The following RAB28 variants were observed in gnomAD, a reference collection of about 807,000 sequenced individuals.
RAB28 encodes the protein ras-related protein Rab-28.
A neutral mutation model predicts 31.7 loss-of-function variants in RAB28; 24 were observed. The observed-to-expected ratio is 0.76, with a 90% CI of 0.55 to 1.06. The LOEUF (loss-of-function observed/expected upper bound fraction) is 1.06. RAB28 is among the 50% of genes least tolerant of loss of function. The probability of loss-of-function intolerance (pLI) is 0.00; values close to 1 mark genes in which losing one functional copy is unlikely to be tolerated. For missense variants in RAB28, 254 were observed against 258.5 expected (o/e 0.98, Z 0.12); for synonymous variants, 100 against 90.4 (o/e 1.11, Z -0.60).
At chr4:13,482,555 A>G (rs1716655154) in intron 1 of RAB28, among the ~76,000 whole-genome samples, 1 of 152,224 alleles carries the variant, frequency 6.6e-6, no homozygotes, top group Non-Finnish European at 1.5e-5. Context: ...TGAGAAAACT[A>G]TAAAAATCTA....
In RAB28 at chr4:13,484,287, A is replaced by T; in HGVS notation, c.-137T>A. On this transcript the variant is annotated 5_prime_UTR_variant, in exon 1 of 7. Transcript: ENST00000330852. ...CGGTGTCTCCGCGCCGGCAGGAGGTATTCGAGGAGAATCACTCGGCAAGCG... is the reference window on the plus strand; with the variant it reads ...CGGTGTCTCCGCGCCGGCAGGAGGTTTTCGAGGAGAATCACTCGGCAAGCG... 2 of 674,732 alleles carry T rather than the reference A, an allele frequency of 3.0e-6. No individual in the cohort carries two copies. The highest frequency in any genetic ancestry group is 2.7e-6 in the Non-Finnish European group (1 of 371,086). The allele number at this position is 674,732 out of a possible 1,614,324, so 41.8% of individuals were successfully genotyped here.
chr4:13,439,825 C>G (rs905187493), intron 4 of RAB28, among the ~76,000 whole-genome samples: 6 of 152,190 alleles, frequency 3.9e-5, no homozygotes, highest in African/African-American at 1.4e-4. Flanking sequence ...TTGAACCCAT[C>G]ACCCAAAGAG....
At chr4:13,409,996 C>T (rs897866341) in intron 4 of RAB28, among the ~76,000 whole-genome samples, 3 of 151,942 alleles carry the variant, frequency 2.0e-5, no homozygotes, top group African/African-American at 7.3e-5. Context: ...CTAGTGCTAT[C>T]TCGTGATGGA....
At chr4:13,415,603 T>C (rs1712722377) in intron 4 of RAB28, among the ~76,000 whole-genome samples, 1 of 152,116 alleles carries the variant, frequency 6.6e-6, no homozygotes, top group African/African-American at 2.4e-5. Flanking sequence ...TGCGCTCGAT[T>C]TCTTGCCGGG....
At chr4:13,397,988 G>C (rs375365110) in intron 4 of RAB28, among the ~76,000 whole-genome samples, 15 of 151,860 alleles carry the variant, frequency 9.9e-5, no homozygotes, top group African/African-American at 3.4e-4. Flanking sequence ...GCAGCAGCCG[G>C]TATCAAGCAG....
At chr4:13,371,595 T>C in intron 6 of RAB28, 1 of 985,332 alleles carries the variant, frequency 1.0e-6, no homozygotes, top group Non-Finnish European at 1.2e-6. Context: ...GCTTTGACTC[T>C]TTGACATAAA....
intron 3 of RAB28, among the ~76,000 whole-genome samples, chr4:13,462,967 G>A (rs1247819750): frequency 6.6e-6 from 1 of 152,162 alleles, no homozygotes; most frequent in African/African-American, 2.4e-5. Context: ...GGTTGCTGTT[G>A]GATTCCAGTC....
chr4:13,459,959 A>G lies in RAB28; in HGVS notation c.391+740T>C, dbSNP rs530463171. Reference sequence around the variant, plus strand: ...AGCCAAAACACACACTGTCAGAACTAAACTTACCTTCACAGGAATTGACCA... The same window carrying G: ...AGCCAAAACACACACTGTCAGAACTGAACTTACCTTCACAGGAATTGACCA... On this transcript the variant is annotated intron_variant, in intron 4 of 6. Coordinates refer to ENST00000330852, the MANE Select transcript of RAB28 (RefSeq NM_001017979.3). 3.2e-6 allele frequency: 4 copies of G among 1,234,662 alleles called. No homozygotes were observed. In the Admixed American group the frequency reaches 9.2e-5, roughly 28 times the overall value. 76.5% of individuals were successfully genotyped at this position (1,234,662 alleles called of 1,614,324 possible).
At chr4:13,394,464 T>G (rs922071742) in intron 4 of RAB28, among the ~76,000 whole-genome samples, 3 of 152,188 alleles carry the variant, frequency 2.0e-5, no homozygotes, top group African/African-American at 7.2e-5. Context: ...TAATGCTCAC[T>G]GTCCACTGCT....
chr4:13,451,377 G>C (rs1438421914), intron 4 of RAB28, among the ~76,000 whole-genome samples: 3 of 147,984 alleles, frequency 2.0e-5, no homozygotes, highest in African/African-American at 7.4e-5. Context: ...TTTTTAAATT[G>C]GATTAGGTTT....
intron 4 of RAB28, among the ~76,000 whole-genome samples, chr4:13,394,920 T>G (rs1729805732): frequency 1.3e-5 from 2 of 152,172 alleles, no homozygotes; most frequent in Admixed American, 1.3e-4. Context: ...CTTTGGGGCC[T>G]CATAACAACC....
intron 4 of RAB28, among the ~76,000 whole-genome samples, chr4:13,401,105 G>A (rs1711724451): frequency 6.6e-6 from 1 of 151,870 alleles, no homozygotes; most frequent in Non-Finnish European, 1.5e-5. Context: ...CAACACCTTT[G>A]GTTTTCTGGA....
chr4:13,446,517 G>C (rs1282907203), intron 4 of RAB28, among the ~76,000 whole-genome samples: 2 of 152,140 alleles, frequency 1.3e-5, no homozygotes, highest in Non-Finnish European at 1.5e-5. Context: ...GTAATCTCCT[G>C]ATCCATGGAT....
At chr4:13,412,036 A>G (rs1712468460) in intron 4 of RAB28, among the ~76,000 whole-genome samples, 1 of 151,598 alleles carries the variant, frequency 6.6e-6, no homozygotes, top group East Asian at 1.9e-4. Context: ...AAAAAAAAAG[A>G]TAAATGAAAA....
intron 2 of RAB28, among the ~76,000 whole-genome samples, chr4:13,475,647 G>C (rs758055942): frequency 6.6e-6 from 1 of 151,318 alleles, no homozygotes; most frequent in Non-Finnish European, 1.5e-5. Context: ...TTTCCATGAG[G>C]AACTTCCATT....
chr4:13,381,170 C>T (rs1729112784), intron 5 of RAB28, among the ~76,000 whole-genome samples: 1 of 151,924 alleles, frequency 6.6e-6, no homozygotes, highest in African/African-American at 2.4e-5. Context: ...CATCTCCTAG[C>T]CACAGGCAGC....
At chr4:13,464,990 C>G (rs1715772459) in intron 3 of RAB28, among the ~76,000 whole-genome samples, 1 of 151,730 alleles carries the variant, frequency 6.6e-6, no homozygotes, top group Non-Finnish European at 1.5e-5. Context: ...TGCTAGATAT[C>G]AAAAACACTA....
At chr4:13,453,784 G>C (rs1212359730) in intron 4 of RAB28, among the ~76,000 whole-genome samples, 2 of 152,172 alleles carry the variant, frequency 1.3e-5, no homozygotes. Flanking sequence ...TGACAATTTG[G>C]CTATAATGTG....
intron 4 of RAB28, among the ~76,000 whole-genome samples, chr4:13,392,583 T>C (rs1293384614): frequency 6.6e-6 from 1 of 152,210 alleles, no homozygotes; most frequent in Non-Finnish European, 1.5e-5. Context: ...TCCAACAGCG[T>C]GCAAGCATTC....
Sources: gnomAD v4.1 joint callset for allele counts (sites outside exome capture counted in the v4.1 genomes callset) on GRCh38, gnomAD v4.1.1 for gene constraint, MANE v1.5 for transcripts, NCBI Gene and HGNC (gene_info 2026-07-23, HGNC 2026-07-21) for gene names.